OVCH2: variants seen among roughly 807,000 people sequenced by gnomAD.
OVCH2 encodes ovochymase 2.
Under a neutral mutation model 73.7 loss-of-function variants are expected in OVCH2, and 88 were observed. The observed-to-expected ratio is 1.19, with a 90% CI of 1.01 to 1.43. OVCH2 has a LOEUF of 1.43. OVCH2 is among the 40% of genes most tolerant of loss of function. OVCH2 has a pLI of 0.00. For synonymous variants in OVCH2, 265 were observed against 234.5 expected (o/e 1.13, Z -1.19); for missense variants, 706 against 674.5 (o/e 1.05, Z -0.52).
intron 7 of OVCH2, 179 bp downstream of exon 7, chr11:7,700,117 T>C: frequency 1.6e-6 from 1 of 611,754 alleles, no homozygotes; most frequent in Non-Finnish European, 2.8e-6. Context: ...CTGCTCCACA[T>C]ACCATATTTT....
the OVCH2 span, among the ~76,000 whole-genome samples, chr11:7,679,349 A>G: frequency 6.6e-6 from 1 of 152,192 alleles, no homozygotes; most frequent in Non-Finnish European, 1.5e-5. Context: ...GTTGCCAAGG[A>G]AACCAACCCC....
At position 7,695,201 on chromosome 11, in the gene OVCH2, A is replaced by T. The variant is rs376256297; in HGVS notation, c.1283-13T>A. Reference sequence around the variant, plus strand: ...CTGCAACCTGAATCTGAAACGTAAGAAAAAGTCCAAACAGATGGCACCATT... The same window carrying T: ...CTGCAACCTGAATCTGAAACGTAAGTAAAAGTCCAAACAGATGGCACCATT... On this transcript the variant is annotated splice_polypyrimidine_tract_variant and intron_variant, in intron 11 of 15. Transcript: ENST00000533663. The T allele has an allele frequency of 2.8e-4, 438 of 1,551,628 alleles. No homozygotes were observed. Among genetic ancestry groups the T allele is most frequent in the Non-Finnish European group, 3.6e-4 (417 of 1,150,018 alleles).
At chr11:7,686,111 A>G (rs1051285389), downstream of OVCH2, among the ~76,000 whole-genome samples, 1 of 152,346 alleles carries the variant, frequency 6.6e-6, no homozygotes, top group African/African-American at 2.4e-5. Flanking sequence ...AGATACTTAC[A>G]CCGAATATAC....
chr11:7,703,815 AG>A, intron 2 of OVCH2, 26 bp from the exon 3 acceptor site: 1 of 1,564,810 alleles, frequency 6.4e-7, no homozygotes, highest in Non-Finnish European at 8.7e-7. Context: ...CTTAAATGAA[AG>A]CAAGTTCATG....
At chr11:7,694,479 G>A (rs374119862) in intron 12 of OVCH2, among the ~76,000 whole-genome samples, 1 of 152,056 alleles carries the variant, frequency 6.6e-6, no homozygotes, top group Admixed American at 6.6e-5. Flanking sequence ...TGCTTGAAAG[G>A]CTTGATGATT....
Position 7,691,311 on chromosome 11 carries a change from AG to A in OVCH2, c.1596del (p.Cys533AlafsTer19). The part of the protein sequence containing the change: ...LISFQSDENG[T>X]CRGFQATVSF... ...GAGACTGTAGCCTGAAAGCCCCTGC[AG>A]GTCCCGTTTTCATCTGATTGGAAGC... On this transcript the variant is annotated frameshift_variant, in exon 14 of 16. Transcript: ENST00000533663. LOFTEE classifies it high-confidence loss of function. 6.2e-7 allele frequency: 1 copy of A among 1,613,802 alleles called. No homozygotes were observed. The highest frequency in any genetic ancestry group is 8.5e-7 in the Non-Finnish European group (1 of 1,179,822).
In OVCH2 at chr11:7,696,535, A is replaced by C. The variant is rs1484372812; in HGVS notation, c.1071T>G (p.Phe357Leu). 1 of 1,613,930 alleles carries C rather than the reference A, an allele frequency of 6.2e-7. No individual in the cohort carries two copies. Among genetic ancestry groups the C allele is most frequent in the East Asian group, 2.2e-5 (1 of 44,900 alleles). Residue 357 changes from phenylalanine (F) to leucine (L), a missense_variant, in exon 10 of 16, where the codon TTT (phenylalanine) becomes TTG (leucine). Physicochemically the swap from Phe to Leu is conservative, Grantham distance 22 (BLOSUM62 0). Coordinates refer to ENST00000533663, the MANE Select transcript of OVCH2 (RefSeq NM_198185.7). Reference protein sequence around the residue: ...VPEEMHVLLSFSHLDVESCHH... With the variant: ...VPEEMHVLLSLSHLDVESCHH... ...GACAAGACTCAACATCTAGGTGGGA[A>C]AAACTGAGCAACACATGCATTTCCT...
rs1190676497 is a variant in OVCH2, at chr11:7,691,282, G to A, written c.1626C>T (p.Phe542=). The A allele has an allele frequency of 1.2e-6, 2 of 1,612,148 alleles. No homozygotes were observed. The highest frequency in any genetic ancestry group is 1.7e-6 in the Non-Finnish European group (2 of 1,179,088). ...TCRGFQATVS[F]IPKAVYPDLN... is the part of the protein sequence containing the mutation. ...CTATCTTCTTACCTGCTTTAGGAAT[G>A]AAGGAGACTGTAGCCTGAAAGCCCC... Residue 542 remains phenylalanine (F), a synonymous_variant, in exon 14 of 16, where the codon TTC becomes TTT. Coordinates refer to ENST00000533663, the MANE Select transcript of OVCH2 (RefSeq NM_198185.7).
chr11:7,685,966 G>GA (rs374570862), downstream of OVCH2, among the ~76,000 whole-genome samples: 7 of 150,316 alleles, frequency 4.7e-5, no homozygotes, highest in East Asian at 3.9e-4. Flanking sequence ...GGTTGTCATT[G>GA]AAAAAAAAAA....
Position 7,689,971 on chromosome 11 carries a change from A to G in OVCH2, c.1682T>C (p.Met561Thr), listed in dbSNP as rs1856190111. The change falls in exon 15 of 16, where the codon ATG (methionine) becomes ACG (threonine). Residue 561 changes from methionine to threonine, a missense_variant. Physicochemically the swap from Met to Thr is moderately conservative, Grantham distance 81. Coordinates refer to ENST00000533663, the MANE Select transcript of OVCH2 (RefSeq NM_198185.7). ...TGGCACATCTCATGTCTCCAGAAAC[A>G]TTGATTCATCCTCTGATATGGAGAT... ...LNISISEDES[M>T]FLET 2.0e-6 allele frequency: 3 copies of G among 1,527,910 alleles called. No homozygotes were observed. The Admixed American group carries it at 5.9e-5, about 30-fold the overall frequency. 94.6% of individuals were successfully genotyped at this position (1,527,910 alleles called of 1,614,324 possible). A position where few individuals can be genotyped will look rare whatever the true frequency, so the allele number is the denominator to read the frequency against.
intron 5 of OVCH2, 97 bp downstream of exon 5, chr11:7,701,619 C>T: frequency 4.3e-6 from 6 of 1,402,818 alleles, no homozygotes; most frequent in Non-Finnish European, 5.7e-6. Context: ...AATGTATGCA[C>T]AATCGATTTT....
intron 1 of OVCH2, among the ~76,000 whole-genome samples, chr11:7,706,007 T>C (rs543090673): frequency 1.3e-5 from 2 of 152,150 alleles, no homozygotes; most frequent in Non-Finnish European, 2.9e-5. Flanking sequence ...TGAACCAAGA[T>C]GGGATTATGT....
rs1189213582 is a variant in OVCH2, at chr11:7,695,703, A to G, written c.1149T>C (p.Phe383=). 6.2e-7 allele frequency: 1 copy of G among 1,610,548 alleles called. No individual in the cohort carries two copies. Among genetic ancestry groups the G allele is most frequent in the Non-Finnish European group, 8.5e-7 (1 of 1,178,490 alleles). The part of the protein sequence containing the change: ...YSLEDRPIGK[F]CGESLPSSIL... ...TGGATGAAGGGAGGCTTTCTCCACA[A>G]AATTTTCCTGCAGGATGAGAAAAAA... The change falls in exon 11 of 16, where the codon TTT becomes TTC. Residue 383 remains phenylalanine, a synonymous_variant. Coordinates refer to ENST00000533663, the MANE Select transcript of OVCH2 (RefSeq NM_198185.7).
intron 8 of OVCH2, among the ~76,000 whole-genome samples, chr11:7,697,770 C>A (rs1435679009): frequency 6.6e-6 from 1 of 152,118 alleles, no homozygotes; most frequent in African/African-American, 2.4e-5. Context: ...ACCTTCATTT[C>A]TTGTCTCTCA....
At position 7,692,240 on chromosome 11, in the gene OVCH2, G is replaced by C. The variant is rs181278527; in HGVS notation, c.1414-245C>G. ...GGCAGGAAACTGTGCAAATATTTTA[G>C]CTTCCTAACATCTCTAAGAGATTAG... On this transcript the variant is annotated intron_variant, in intron 12 of 15. Transcript: ENST00000533663. Among the ~76,000 whole-genome samples the C allele has an allele frequency of 4.3e-3, 648 of 152,270 alleles. 3 individuals carry two copies. The highest frequency in any genetic ancestry group is 0.015 in the African/African-American group (626 of 41,546).
At chr11:7,683,699 C>G in the OVCH2 span, among the ~76,000 whole-genome samples, 15 of 152,302 alleles carry the variant, frequency 9.8e-5, no homozygotes, top group Middle Eastern at 3.4e-3. Context: ...TCTCTGATAT[C>G]CCCATGCTCA....
At chr11:7,691,064 T>G (rs1856210171) in intron 14 of OVCH2, 1 of 535,710 alleles carries the variant, frequency 1.9e-6, no homozygotes, top group Non-Finnish European at 3.3e-6. Context: ...CTGATGAAAA[T>G]GTACCTTGAA....
chr11:7,686,368 G>A (rs903007950), downstream of OVCH2, among the ~76,000 whole-genome samples: 2 of 152,122 alleles, frequency 1.3e-5, no homozygotes, highest in African/African-American at 4.8e-5. Flanking sequence ...ATAATGGATT[G>A]TACATTAATG....
At chr11:7,685,661 T>C (rs963303741), downstream of OVCH2, among the ~76,000 whole-genome samples, 5 of 152,172 alleles carry the variant, frequency 3.3e-5, no homozygotes, top group Non-Finnish European at 7.3e-5. Context: ...CAGCCACAGC[T>C]CCTGCCCTTG....
Sources: gnomAD v4.1 joint callset for allele counts (sites outside exome capture counted in the v4.1 genomes callset) on GRCh38, gnomAD v4.1.1 for gene constraint, MANE v1.5 for transcripts, NCBI Gene and HGNC (gene_info 2026-07-23, HGNC 2026-07-21) for gene names.